The following CERS6 variants were observed in gnomAD, a reference collection of about 807,000 sequenced individuals.
The protein encoded by CERS6 is ceramide synthase 6.
In CERS6, 26 loss-of-function variants were observed where a neutral mutation model predicts 56.8. The observed-to-expected ratio is 0.46, with a 90% CI of 0.34 to 0.63. The LOEUF (loss-of-function observed/expected upper bound fraction) is 0.63. Ranked by LOEUF, CERS6 falls within the 30% of genes least tolerant of loss-of-function variation. The pLI is 0.01. For missense variants in CERS6, 415 were observed against 467.5 expected (o/e 0.89, Z 1.04); for synonymous variants, 164 against 173.3 (o/e 0.95, Z 0.42).
chr2:168,627,294 A>G lies in CERS6; in HGVS notation c.408-3691A>G, dbSNP rs538092803. Among the ~76,000 whole-genome samples, 30 of 152,340 alleles carry G rather than the reference A, an allele frequency of 2.0e-4. No homozygotes were observed. The South Asian group carries it at 5.2e-3, about 26-fold the overall frequency. On this transcript the variant is annotated intron_variant, in intron 3 of 9. Transcript: ENST00000305747. ...AGGGCAATGATTTATGTTGCTAACC[A>G]TAGTCTTTTTATGCTAGAATTATAC...
At chr2:168,559,858 A>T (rs1446712447) in intron 2 of CERS6, among the ~76,000 whole-genome samples, 2 of 150,856 alleles carry the variant, frequency 1.3e-5, no homozygotes, top group African/African-American at 4.9e-5. Context: ...GAAAGATTAA[A>T]TAAACATAGT....
At chr2:168,531,801 A>G (rs1216441747) in intron 1 of CERS6, among the ~76,000 whole-genome samples, 1 of 151,228 alleles carries the variant, frequency 6.6e-6, no homozygotes, top group African/African-American at 2.4e-5. Context: ...AGCCTGGGCA[A>G]CAGAGCGAGA....
chr2:168,718,844 T>G (rs1307508798), intron 8 of CERS6, among the ~76,000 whole-genome samples: 1 of 152,190 alleles, frequency 6.6e-6, no homozygotes, highest in Non-Finnish European at 1.5e-5. Context: ...TCAGAGGTCT[T>G]AAGGAATTCA....
rs572284032 is a variant in CERS6, at chr2:168,602,139, G to A, written c.408-28846G>A. On this transcript the variant is annotated intron_variant, in intron 3 of 9. Coordinates refer to ENST00000305747, the MANE Select transcript of CERS6 (RefSeq NM_203463.3). ...AAGAAGTGAGGGTTGCAGATAGCAAGGGTATTGCACAAATAAGCATTGGCC... is the reference window on the plus strand; with the variant it reads ...AAGAAGTGAGGGTTGCAGATAGCAAAGGTATTGCACAAATAAGCATTGGCC... Among the ~76,000 whole-genome samples the A allele has an allele frequency of 5.9e-5, 9 of 152,320 alleles. No homozygotes were observed. In the South Asian group the frequency reaches 1.9e-3, roughly 32 times the overall value.
intron 3 of CERS6, among the ~76,000 whole-genome samples, chr2:168,610,151 G>A (rs558683766): frequency 2.6e-4 from 40 of 151,962 alleles, no homozygotes; most frequent in African/African-American, 9.4e-4. Context: ...TTAATTTTTT[G>A]TATTTTTAGT....
intron 3 of CERS6, among the ~76,000 whole-genome samples, chr2:168,607,225 TACTA>T (rs1274381616): frequency 1.3e-5 from 2 of 152,332 alleles, no homozygotes; most frequent in East Asian, 3.9e-4. Flanking sequence ...CTAAAATGTT[TACTA>T]ACTGGCCTTC....
At chr2:168,702,100 G>A (rs764931600) in intron 6 of CERS6, among the ~76,000 whole-genome samples, 19 of 151,938 alleles carry the variant, frequency 1.3e-4, no homozygotes, top group African/African-American at 2.2e-4. Flanking sequence ...AGATACAACC[G>A]TCCATTTTTT....
At chr2:168,741,159 G>A (rs927860045) in intron 8 of CERS6, among the ~76,000 whole-genome samples, 5 of 152,260 alleles carry the variant, frequency 3.3e-5, no homozygotes, top group Non-Finnish European at 5.9e-5. Flanking sequence ...ATGACTGAAC[G>A]AATTATCTAC....
At chr2:168,756,386 A>C (rs1684416591) in intron 8 of CERS6, among the ~76,000 whole-genome samples, 1 of 152,222 alleles carries the variant, frequency 6.6e-6, no homozygotes, top group Non-Finnish European at 1.5e-5. Context: ...GTTGAATTTA[A>C]AAAGATCTTT....
At chr2:168,483,237 G>T (rs1461859421) in intron 1 of CERS6, among the ~76,000 whole-genome samples, 1 of 151,778 alleles carries the variant, frequency 6.6e-6, no homozygotes, top group Non-Finnish European at 1.5e-5. Flanking sequence ...TAGATGTGGA[G>T]ATTAGGCTCA....
chr2:168,561,673 T>G (rs1044902809), intron 3 of CERS6, among the ~76,000 whole-genome samples: 1 of 152,212 alleles, frequency 6.6e-6, no homozygotes, highest in Non-Finnish European at 1.5e-5. Flanking sequence ...CAACTTAGGT[T>G]CTTCCTACTA....
intron 4 of CERS6, among the ~76,000 whole-genome samples, chr2:168,668,761 T>A (rs954776107): frequency 6.6e-6 from 1 of 152,212 alleles, no homozygotes; most frequent in Non-Finnish European, 1.5e-5. Flanking sequence ...GCTGCAACTC[T>A]AATCTTTTAT....
chr2:168,625,919 T>C (rs1285972739), intron 3 of CERS6, among the ~76,000 whole-genome samples: 2 of 152,284 alleles, frequency 1.3e-5, no homozygotes, highest in South Asian at 4.2e-4. Context: ...AGTTCTCAAT[T>C]ATGCAGCATC....
intron 6 of CERS6, among the ~76,000 whole-genome samples, chr2:168,695,292 A>G (rs992434743): frequency 2.5e-4 from 38 of 152,178 alleles, no homozygotes; most frequent in African/African-American, 9.2e-4. Flanking sequence ...TAATGTAGCA[A>G]TGAATCCCCG....
chr2:168,516,469 C>T (rs1371393054), intron 1 of CERS6, among the ~76,000 whole-genome samples: 2 of 152,116 alleles, frequency 1.3e-5, no homozygotes, highest in East Asian at 3.8e-4. Context: ...TAGAGCAAGA[C>T]TAAATGAATC....
intron 8 of CERS6, among the ~76,000 whole-genome samples, chr2:168,743,455 C>T (rs570015930): frequency 6.6e-6 from 1 of 152,014 alleles, no homozygotes; most frequent in South Asian, 2.1e-4. Context: ...AGCAACAGGG[C>T]GAAACCCTGT....
chr2:168,712,976 T>C (rs2105386355), intron 6 of CERS6, among the ~76,000 whole-genome samples: 1 of 152,222 alleles, frequency 6.6e-6, no homozygotes, highest in South Asian at 2.1e-4. Flanking sequence ...ATTGCTTCTT[T>C]TTCCCCCATA....
At chr2:168,577,953 G>A (rs1295098604) in intron 3 of CERS6, among the ~76,000 whole-genome samples, 1 of 152,158 alleles carries the variant, frequency 6.6e-6, no homozygotes, top group Non-Finnish European at 1.5e-5. Context: ...AATAAGAGGT[G>A]TAGGTGCCAG....
At chr2:168,524,580 A>G (rs1010402414) in intron 1 of CERS6, among the ~76,000 whole-genome samples, 2 of 152,184 alleles carry the variant, frequency 1.3e-5, no homozygotes, top group Non-Finnish European at 2.9e-5. Flanking sequence ...TAACGAAATG[A>G]TAAACAATAA....
Sources: allele counts gnomAD v4.1 joint callset (sites outside exome capture counted in the v4.1 genomes callset), GRCh38; gene constraint gnomAD v4.1.1; transcripts MANE v1.5; gene names NCBI Gene and HGNC (gene_info 2026-07-23, HGNC 2026-07-21).